The following COL11A1 variants were observed in gnomAD, a reference collection of about 807,000 sequenced individuals.
COL11A1 encodes the protein collagen type XI alpha 1 chain.
Under a neutral mutation model 265.2 loss-of-function variants are expected in COL11A1, and 74 were observed. That is an observed-to-expected ratio of 0.28 (90% CI 0.23 to 0.34). The LOEUF (loss-of-function observed/expected upper bound fraction) is 0.34, where lower values mean the gene tolerates loss of function less well. Ranked by LOEUF, COL11A1 falls within the 10% of genes least tolerant of loss-of-function variation. COL11A1 has a pLI of 1.00. For synonymous variants in COL11A1, 816 were observed against 727.6 expected (o/e 1.12, Z -1.96); for missense variants, 2,165 against 2,263.6 (o/e 0.96, Z 0.88).
At chr1:102,959,193 A>G (rs1455582593) in intron 41 of COL11A1, among the ~76,000 whole-genome samples, 1 of 152,232 alleles carries the variant, frequency 6.6e-6, no homozygotes, top group Non-Finnish European at 1.5e-5. Context: ...CTTGTTCTGT[A>G]CATTTCAAAT....
chr1:103,046,444 A>T (rs1212587047), intron 4 of COL11A1, among the ~76,000 whole-genome samples: 1 of 150,932 alleles, frequency 6.6e-6, no homozygotes, highest in Non-Finnish European at 1.5e-5. Context: ...CCACTTTTTG[A>T]TGGGGTTGTT....
intron 31 of COL11A1, among the ~76,000 whole-genome samples, chr1:102,981,729 A>G (rs533668698): frequency 1.2e-4 from 18 of 152,164 alleles, no homozygotes; most frequent in African/African-American, 4.1e-4. Flanking sequence ...AAATTGGCTC[A>G]GTCAATAAAT....
At chr1:102,972,302 A>T (rs1662043988) in intron 36 of COL11A1, among the ~76,000 whole-genome samples, 1 of 152,180 alleles carries the variant, frequency 6.6e-6, no homozygotes, top group African/African-American at 2.4e-5. Context: ...ACAAAGCTGT[A>T]AATATAAGAT....
At position 103,108,140 on chromosome 1, in the gene COL11A1, C is replaced by A. The variant is rs762034138; in HGVS notation, c.39G>T (p.Trp13Cys). The A allele has an allele frequency of 2.5e-6, 4 of 1,613,820 alleles. No individual in the cohort carries two copies. Among genetic ancestry groups the A allele is most frequent in the Non-Finnish European group, 1.7e-6 (2 of 1,179,976 alleles). Residue 13 changes from tryptophan to cysteine, a missense_variant, in exon 1 of 67, where the codon TGG becomes TGT. Physicochemically the swap from Trp to Cys is radical, Grantham distance 215. Transcript: ENST00000370096. ...PWSSRWKTKR[W>C]LWDFTVTTLA... ...GGGTTGTTACGGTGAAATCCCAGAGCCACCGTTTCGTTTTCCACCTAGAGG... is the reference window on the plus strand; with the variant it reads ...GGGTTGTTACGGTGAAATCCCAGAGACACCGTTTCGTTTTCCACCTAGAGG...
chr1:102,973,772 T>A (rs914911877), intron 36 of COL11A1, among the ~76,000 whole-genome samples: 2 of 152,240 alleles, frequency 1.3e-5, no homozygotes, highest in African/African-American at 4.8e-5. Context: ...CCTAATATCT[T>A]TGCAGTAATA....
intron 28 of COL11A1, among the ~76,000 whole-genome samples, chr1:102,991,944 G>A (rs1016002229): frequency 6.6e-6 from 1 of 151,250 alleles, no homozygotes; most frequent in Non-Finnish European, 1.5e-5. Context: ...AGCTGTAAAT[G>A]ACCACTGAAC....
chr1:103,032,574 A>T lies in COL11A1; in HGVS notation c.652-1330T>A, dbSNP rs184043264. On this transcript the variant is annotated intron_variant, in intron 4 of 66. Coordinates refer to ENST00000370096, the MANE Select transcript of COL11A1 (RefSeq NM_001854.4). ...TAATCAAATAGTGTAAGAAGTGCCA[A>T]GAAAGGAATAAGTTAATTAGTTAAT... Among the ~76,000 whole-genome samples, 466 of 152,220 alleles carry T rather than the reference A, an allele frequency of 3.1e-3. 3 individuals carry two copies. Among genetic ancestry groups the T allele is most frequent in the African/African-American group, 0.011 (448 of 41,568 alleles).
chr1:102,981,167 A>G (rs1662999497), intron 31 of COL11A1, among the ~76,000 whole-genome samples: 1 of 152,152 alleles, frequency 6.6e-6, no homozygotes, highest in African/African-American at 2.4e-5. Context: ...GTATGTTTCA[A>G]TACATGCCTA....
intron 10 of COL11A1, among the ~76,000 whole-genome samples, chr1:103,018,142 C>A (rs1666712699): frequency 6.6e-6 from 1 of 152,044 alleles, no homozygotes; most frequent in Non-Finnish European, 1.5e-5. Flanking sequence ...TCTCTAAGGT[C>A]ATATTTGGTC....
At chr1:102,913,504 T>A (rs2101025060) in intron 53 of COL11A1, 133 bp downstream of exon 53, 1 of 787,834 alleles carries the variant, frequency 1.3e-6, no homozygotes, top group South Asian at 1.6e-5. Context: ...TTCAAAAATT[T>A]TTTTGATAAT....
chr1:102,925,130 T>C (rs934420919), intron 46 of COL11A1, among the ~76,000 whole-genome samples: 2 of 152,110 alleles, frequency 1.3e-5, no homozygotes, highest in Non-Finnish European at 2.9e-5. Context: ...TACTGACTTC[T>C]TGACACTGCA....
At chr1:102,879,638 T>G in intron 66 of COL11A1, 45 bp downstream of exon 66, 1 of 1,551,034 alleles carries the variant, frequency 6.4e-7, no homozygotes, top group Non-Finnish European at 8.9e-7. Context: ...GGTGACATGC[T>G]GCCTATCATC....
At chr1:102,967,814 TACTA>T (rs1399921320) in intron 37 of COL11A1, among the ~76,000 whole-genome samples, 12 of 152,314 alleles carry the variant, frequency 7.9e-5, no homozygotes, top group South Asian at 4.1e-4. Flanking sequence ...CATTTTGTCT[TACTA>T]ACTGTGAGAG....
chr1:103,073,926 C>A (rs1671773575), intron 4 of COL11A1, among the ~76,000 whole-genome samples: 1 of 151,872 alleles, frequency 6.6e-6, no homozygotes, highest in African/African-American at 2.4e-5. Context: ...GACAAAGAAA[C>A]GACTCAAATT....
chr1:102,976,699 T>TA (rs1288124727), intron 35 of COL11A1, among the ~76,000 whole-genome samples: 2 of 152,128 alleles, frequency 1.3e-5, no homozygotes, highest in Non-Finnish European at 2.9e-5. Flanking sequence ...GATGACTAGA[T>TA]AAAATATCCA....
At chr1:103,097,873 G>A (rs1673910282) in intron 1 of COL11A1, among the ~76,000 whole-genome samples, 2 of 151,910 alleles carry the variant, frequency 1.3e-5, no homozygotes, top group South Asian at 4.1e-4. Flanking sequence ...GATTAACATA[G>A]AAGATAGTCA....
intron 41 of COL11A1, among the ~76,000 whole-genome samples, chr1:102,957,088 C>T (rs995514764): frequency 5.3e-5 from 8 of 151,800 alleles, no homozygotes; most frequent in African/African-American, 1.9e-4. Context: ...AATAAAGTTT[C>T]TCTAAATATA....
intron 4 of COL11A1, among the ~76,000 whole-genome samples, chr1:103,062,422 A>G (rs748837997): frequency 2.6e-5 from 4 of 151,980 alleles, no homozygotes; most frequent in Non-Finnish European, 5.9e-5. Context: ...AAATGCAAAA[A>G]TCCTTAACAA....
At chr1:102,981,186 A>C (rs755600632) in intron 31 of COL11A1, among the ~76,000 whole-genome samples, 8 of 152,162 alleles carry the variant, frequency 5.3e-5, no homozygotes, top group Non-Finnish European at 1.2e-4. Context: ...TATACAGCTA[A>C]CTTGTGATCA....
Sources: allele counts gnomAD v4.1 joint callset (sites outside exome capture counted in the v4.1 genomes callset), GRCh38; gene constraint gnomAD v4.1.1; transcripts MANE v1.5; gene names NCBI Gene and HGNC (gene_info 2026-07-23, HGNC 2026-07-21).